MAGED1: variants seen among roughly 807,000 people sequenced by gnomAD.
The protein encoded by MAGED1 is MAGE family member D1.
In MAGED1, 3 loss-of-function variants were observed where a neutral mutation model predicts 54.1. The observed-to-expected ratio is 0.06, with a 90% CI of 0.03 to 0.14. The LOEUF (loss-of-function observed/expected upper bound fraction) is 0.14. Among genes scored for constraint, MAGED1 ranks in the 10% least tolerant of loss-of-function variants. MAGED1 has a pLI of 1.00. For synonymous variants in MAGED1, 217 were observed against 227.3 expected, an observed-to-expected ratio of 0.95 and a Z score of 0.41; for missense variants, 485 against 623.4, an observed-to-expected ratio of 0.78 and a Z score of 2.36.
At position 51,875,931 on chromosome X, in the gene MAGED1, G is replaced by A. The variant is rs141003010; in HGVS notation, c.-36-18338G>A. On this transcript the variant is annotated intron_variant, in intron 1 of 12. Transcript: ENST00000375772. ...TAGATATTCACAGGATTGGTTCCCA[G>A]CCAGGGGGCTTCCAAGACTATAGTA... 3.6e-3 allele frequency among the ~76,000 whole-genome samples: 406 copies of A among 111,682 alleles called. 2 individuals carry two copies. The highest frequency in any genetic ancestry group is 0.013 in the African/African-American group (387 of 30,749).
chrX:51,809,515 A>C (rs782454995), intron 1 of MAGED1, among the ~76,000 whole-genome samples: 8 of 111,775 alleles, frequency 7.2e-5, no homozygotes, highest in Non-Finnish European at 1.1e-4. Flanking sequence ...TGCTTCCTTG[A>C]GGTGGCATTT....
At chrX:51,850,496 A>G (rs782693476) in intron 1 of MAGED1, among the ~76,000 whole-genome samples, 269 of 112,077 alleles carry the variant, frequency 2.4e-3, no homozygotes, top group Non-Finnish European at 3.7e-3. Context: ...ACAGAGAGAA[A>G]AACACACACA....
chrX:51,836,825 C>T (rs1264822613), intron 1 of MAGED1, among the ~76,000 whole-genome samples: 1 of 111,218 alleles, frequency 9.0e-6, no homozygotes, highest in South Asian at 3.8e-4. Context: ...CCGCCCGCCT[C>T]GGCCTCCCAA....
chrX:51,832,629 G>A (rs113258997), intron 1 of MAGED1, among the ~76,000 whole-genome samples: 2,472 of 111,375 alleles, frequency 0.022, 33 homozygotes, highest in Non-Finnish European at 0.032. Flanking sequence ...AAGGGAAAAG[G>A]TAGACAAGAA....
At chrX:51,868,111 C>T (rs1384289176) in intron 1 of MAGED1, among the ~76,000 whole-genome samples, 2 of 112,381 alleles carry the variant, frequency 1.8e-5, no homozygotes, top group African/African-American at 6.5e-5. Context: ...AATCCATTCA[C>T]CACTCTCTAC....
chrX:51,874,986 TCTTG>T (rs1927817058), intron 1 of MAGED1, among the ~76,000 whole-genome samples: 1 of 111,230 alleles, frequency 9.0e-6, no homozygotes, highest in African/African-American at 3.3e-5. Context: ...TCTTTTTGAG[TCTTG>T]CTTTTATGAT....
chrX:51,846,863 A>G (rs1290421501), intron 1 of MAGED1, among the ~76,000 whole-genome samples: 1 of 111,788 alleles, frequency 8.9e-6, no homozygotes, highest in Non-Finnish European at 1.9e-5. Flanking sequence ...ACCTCCCATC[A>G]GGCCCCACCT....
chrX:51,877,157 A>G (rs1927899328), intron 1 of MAGED1, among the ~76,000 whole-genome samples: 1 of 111,040 alleles, frequency 9.0e-6, no homozygotes, highest in South Asian at 3.8e-4. Flanking sequence ...GAATTCATAA[A>G]TAAGACTAAG....
intron 1 of MAGED1, among the ~76,000 whole-genome samples, chrX:51,820,686 T>C (rs1925592754): frequency 8.9e-6 from 1 of 112,061 alleles, no homozygotes. Context: ...AATAGATGTA[T>C]ACATTGTGCA....
intron 1 of MAGED1, among the ~76,000 whole-genome samples, chrX:51,871,068 AG>A (rs1557361491): frequency 8.9e-6 from 1 of 112,468 alleles, no homozygotes; most frequent in Admixed American, 9.3e-5. Flanking sequence ...CGGTGACAAC[AG>A]GAGCCCAGAC....
At chrX:51,816,334 C>T (rs1046929578) in intron 1 of MAGED1, among the ~76,000 whole-genome samples, 3 of 111,093 alleles carry the variant, frequency 2.7e-5, no homozygotes, top group Non-Finnish European at 3.8e-5. Context: ...AGGCTGGTCT[C>T]GAACTCTTGG....
rs782778999 is a variant in MAGED1, at chrX:51,862,155, TTG to T, written c.-36-32112_-36-32111del. On this transcript the variant is annotated intron_variant, in intron 1 of 12. Transcript: ENST00000375772. Reference sequence around the variant, plus strand: ...AACTTTCATGATGATGTGTGGATATTTGTATATCTGTTGTCCTAGATACCTGG... The same window carrying T: ...AACTTTCATGATGATGTGTGGATATTTATATCTGTTGTCCTAGATACCTGG... 9.0e-5 allele frequency among the ~76,000 whole-genome samples: 10 copies of T among 111,725 alleles called. No individual in the cohort carries two copies. In the South Asian group the frequency reaches 3.8e-3, roughly 42 times the overall value.
At chrX:51,900,369 G>T in intron 11 of MAGED1, 73 bp downstream of exon 11, 1 of 832,301 alleles carries the variant, frequency 1.2e-6, no homozygotes, top group Non-Finnish European at 1.7e-6. Context: ...GCCCAGGGTA[G>T]GAATGAGATC....
chrX:51,816,983 G>T (rs1426973892), intron 1 of MAGED1, among the ~76,000 whole-genome samples: 2 of 111,529 alleles, frequency 1.8e-5, no homozygotes, highest in Non-Finnish European at 3.8e-5. Flanking sequence ...TAATCTAAGG[G>T]GAGTTCCTGA....
chrX:51,869,419 C>G (rs1307067520), intron 1 of MAGED1, among the ~76,000 whole-genome samples: 4 of 111,377 alleles, frequency 3.6e-5, no homozygotes, highest in African/African-American at 1.3e-4. Context: ...GCATATTAAT[C>G]CATTTTCACA....
rs782036159 is a variant in MAGED1 at position 51,853,277 on chromosome X, G to A, written c.-36-40992G>A. On this transcript the variant is annotated intron_variant, in intron 1 of 12. Coordinates refer to the MAGED1 transcript ENST00000375772. ...CTCTTTATGCATAGTAAACATAGTC[G>A]TCTTATAGTTTGTGTTTGATAATCC... 1.3e-4 allele frequency among the ~76,000 whole-genome samples: 14 copies of A among 111,574 alleles called. No individual in the cohort carries two copies. In the South Asian group the frequency reaches 1.5e-3, roughly 12 times the overall value.
intron 1 of MAGED1, among the ~76,000 whole-genome samples, chrX:51,869,997 A>G (rs1927607107): frequency 9.0e-6 from 1 of 111,124 alleles, no homozygotes; most frequent in East Asian, 2.9e-4. Context: ...CAGCCTCCTG[A>G]GTAGCTGAGA....
intron 1 of MAGED1, among the ~76,000 whole-genome samples, chrX:51,866,197 G>A (rs781951111): frequency 1.8e-5 from 2 of 112,121 alleles, no homozygotes; most frequent in African/African-American, 6.5e-5. Context: ...TTTTTAGTCA[G>A]TTTTTACATA....
At chrX:51,846,569 A>G (rs1230873044) in intron 1 of MAGED1, among the ~76,000 whole-genome samples, 5 of 111,619 alleles carry the variant, frequency 4.5e-5, no homozygotes, top group Non-Finnish European at 7.5e-5. Flanking sequence ...AATGCCTGAG[A>G]CTGGGTAATT....
Sources: gnomAD v4.1 joint callset for allele counts (sites outside exome capture counted in the v4.1 genomes callset) on GRCh38, gnomAD v4.1.1 for gene constraint, MANE v1.5 for transcripts, NCBI Gene and HGNC (gene_info 2026-07-23, HGNC 2026-07-21) for gene names.